DCC: variants seen among roughly 807,000 people sequenced by gnomAD.
DCC encodes netrin receptor DCC.
Under a neutral mutation model 172.5 loss-of-function variants are expected in DCC, and 58 were observed. That is an observed-to-expected ratio of 0.34 (90% confidence interval 0.27 to 0.42). The LOEUF is 0.42. Among genes scored for constraint, DCC ranks in the 10% least tolerant of loss-of-function variants. DCC has a pLI of 1.00. For synonymous variants in DCC, 709 were observed against 644.5 expected (o/e 1.10, Z -1.52); for missense variants, 1,740 against 1,791.0 (o/e 0.97, Z 0.51).
chr18:52,733,492 G>A lies in DCC; in HGVS notation c.92-18562G>A, dbSNP rs564314094. ...GTCAGGAGGTACACCAATAAACACC[G>A]CCTTTTTTTGTTTTTTGTTTGAGAC... On this transcript the variant is annotated intron_variant, in intron 1 of 28. Transcript: ENST00000442544. Among the ~76,000 whole-genome samples the A allele has an allele frequency of 1.5e-4, 23 of 151,970 alleles. No homozygotes were observed. The South Asian group carries it at 2.1e-3, about 14-fold the overall frequency.
chr18:53,424,907 C>T (rs1910821937), intron 21 of DCC, among the ~76,000 whole-genome samples: 1 of 152,076 alleles, frequency 6.6e-6, no homozygotes. Flanking sequence ...TATCAGCTAG[C>T]TATTGTCTAC....
chr18:52,902,596 C>T (rs566122649), intron 2 of DCC, among the ~76,000 whole-genome samples: 11 of 152,128 alleles, frequency 7.2e-5, no homozygotes, highest in South Asian at 2.1e-4. Flanking sequence ...CATACGTATG[C>T]GTTATAGTGA....
At chr18:52,668,636 T>A (rs376161066) in intron 1 of DCC, among the ~76,000 whole-genome samples, 4 of 152,242 alleles carry the variant, frequency 2.6e-5, no homozygotes, top group African/African-American at 7.2e-5. Flanking sequence ...CAAAGCCATC[T>A]TTGATGGAAG....
At chr18:53,527,634 AG>A (rs2046474436) in intron 28 of DCC, among the ~76,000 whole-genome samples, 1 of 152,042 alleles carries the variant, frequency 6.6e-6, no homozygotes, top group Admixed American at 6.5e-5. Flanking sequence ...TAAGCTAAAA[AG>A]GGTTCCAGTT....
intron 26 of DCC, among the ~76,000 whole-genome samples, chr18:53,494,836 C>T (rs2046000762): frequency 1.6e-4 from 25 of 152,080 alleles, no homozygotes; most frequent in Admixed American, 1.6e-3. Flanking sequence ...GTATTTAATC[C>T]TGTCATTATG....
intron 1 of DCC, among the ~76,000 whole-genome samples, chr18:52,470,865 G>A (rs1988927073): frequency 6.6e-6 from 1 of 152,122 alleles, no homozygotes; most frequent in Admixed American, 6.5e-5. Flanking sequence ...ATCAAATTTT[G>A]TGTCACAAAC....
Position 53,526,982 on chromosome 18 carries a change from ATTC to A in DCC, c.4254+226_4254+228del, listed in dbSNP as rs1395043838. On this transcript the variant is annotated intron_variant, in intron 28 of 28. Transcript: ENST00000442544. ...GAGACTTAGTTATGTAAAAAAGTTG[ATTC>A]TTAAGGACAGTCTTAGAAATATGAC... is the stretch of plus-strand genomic sequence containing the variant. 11 of 550,218 alleles carry A rather than the reference ATTC, an allele frequency of 2.0e-5. No individual in the cohort carries two copies. In the East Asian group the frequency reaches 3.6e-4, roughly 18 times the overall value. 34.1% of individuals were successfully genotyped at this position (550,218 alleles called of 1,614,324 possible). A position where few individuals can be genotyped will look rare whatever the true frequency, so the allele number is the denominator to read the frequency against.
At chr18:53,394,219 A>G (rs1367520452) in intron 17 of DCC, among the ~76,000 whole-genome samples, 1 of 152,148 alleles carries the variant, frequency 6.6e-6, no homozygotes, top group Non-Finnish European at 1.5e-5. Context: ...GCTCAGTCTC[A>G]TTTTTCTCAT....
intron 5 of DCC, among the ~76,000 whole-genome samples, chr18:52,928,213 A>T (rs916941182): frequency 3.9e-5 from 6 of 152,160 alleles, no homozygotes; most frequent in African/African-American, 1.2e-4. Context: ...TTGAGTACAC[A>T]TGGACACAAA....
intron 21 of DCC, among the ~76,000 whole-genome samples, chr18:53,426,635 GTGTT>G (rs1910984731): frequency 3.7e-5 from 5 of 135,476 alleles, no homozygotes; most frequent in Admixed American, 3.0e-4. Flanking sequence ...ACTGGGTCAC[GTGTT>G]TGTTTGTTTT....
rs946425265 is a variant in DCC at position 53,408,797 on chromosome 18, A to G, written c.2936-1655A>G. On this transcript the variant is annotated intron_variant, in intron 19 of 28. Transcript: ENST00000442544. Reference sequence around the variant, plus strand: ...TTGGGAAATACCAAACCTAGGGGAAAGGTGAAAGTCAATACAAAATAGATG... The same window carrying G: ...TTGGGAAATACCAAACCTAGGGGAAGGGTGAAAGTCAATACAAAATAGATG... 5.3e-5 allele frequency among the ~76,000 whole-genome samples: 8 copies of G among 152,306 alleles called. No homozygotes were observed. In the South Asian group the frequency reaches 1.7e-3, roughly 32 times the overall value.
rs547662554 is a variant in DCC at position 53,251,051 on chromosome 18, C to T, written c.1911+35454C>T. Among the ~76,000 whole-genome samples the T allele has an allele frequency of 7.9e-5, 12 of 152,022 alleles. No homozygotes were observed. In the East Asian group the frequency reaches 2.1e-3, roughly 27 times the overall value. On this transcript the variant is annotated intron_variant, in intron 12 of 28. Coordinates refer to ENST00000442544, the MANE Select transcript of DCC (RefSeq NM_005215.4). ...CATCTGTCTTGCATCACCTTTGTGG[C>T]CTCCCTTTCTCTTATAGTTCCCTTA...
intron 8 of DCC, among the ~76,000 whole-genome samples, chr18:53,177,953 A>T (rs2055134421): frequency 6.6e-6 from 1 of 152,202 alleles, no homozygotes; most frequent in Non-Finnish European, 1.5e-5. Context: ...GCAGAAAAAG[A>T]TATTTTATTT....
At chr18:52,535,334 C>T (rs1006233702) in intron 1 of DCC, among the ~76,000 whole-genome samples, 5 of 152,158 alleles carry the variant, frequency 3.3e-5, no homozygotes, top group African/African-American at 1.2e-4. Context: ...TTGGATTTCA[C>T]CCTTTTGGGA....
At chr18:53,434,054 G>A (rs1010198349) in intron 21 of DCC, among the ~76,000 whole-genome samples, 3 of 152,062 alleles carry the variant, frequency 2.0e-5, no homozygotes, top group African/African-American at 7.2e-5. Context: ...AAAATCTTGG[G>A]AAAGCTTTAG....
intron 1 of DCC, among the ~76,000 whole-genome samples, chr18:52,359,290 T>C (rs1236207309): frequency 6.6e-6 from 1 of 152,218 alleles, no homozygotes; most frequent in South Asian, 2.1e-4. Context: ...ATGGTTAATA[T>C]TTATGAAATT....
chr18:52,865,616 T>G (rs1174098412), intron 2 of DCC, among the ~76,000 whole-genome samples: 2 of 152,156 alleles, frequency 1.3e-5, no homozygotes, highest in Non-Finnish European at 2.9e-5. Context: ...ATGAGCTTTT[T>G]TTTTTTTATG....
chr18:52,765,199 AATTTTT>A (rs1169282647), intron 2 of DCC, among the ~76,000 whole-genome samples: 12 of 120,108 alleles, frequency 1.0e-4, no homozygotes, highest in Non-Finnish European at 1.8e-4. Flanking sequence ...ACTCCTGGCT[AATTTTT>A]TTTTTTTTTT....
intron 9 of DCC, 128 bp downstream of exon 9, chr18:53,179,244 C>T: frequency 1.1e-6 from 1 of 899,640 alleles, no homozygotes; most frequent in Non-Finnish European, 1.8e-6. Flanking sequence ...TCTAAGTAAA[C>T]TTATATAACT....
Sources: gnomAD v4.1 joint callset for allele counts (sites outside exome capture counted in the v4.1 genomes callset) on GRCh38, gnomAD v4.1.1 for gene constraint, MANE v1.5 for transcripts, NCBI Gene and HGNC (gene_info 2026-07-23, HGNC 2026-07-21) for gene names.